GON4L: variants seen among roughly 807,000 people sequenced by gnomAD.
The protein encoded by GON4L is GON-4-like protein.
GON4L carries 87 observed loss-of-function variants against 211.8 expected under a neutral mutation model. That is an observed-to-expected ratio of 0.41 (90% CI 0.35 to 0.49). The LOEUF (loss-of-function observed/expected upper bound fraction) is 0.49, where lower values mean the gene tolerates loss of function less well. Among genes scored for constraint, GON4L ranks in the 20% least tolerant of loss-of-function variants. GON4L has a pLI of 0.15. For synonymous variants in GON4L, 875 were observed against 962.6 expected (o/e 0.91, Z 1.68); for missense variants, 2,155 against 2,659.5 (o/e 0.81, Z 4.17).
intron 2 of GON4L, among the ~76,000 whole-genome samples, chr1:155,833,915 A>G (rs1670053982): frequency 6.6e-6 from 1 of 151,762 alleles, no homozygotes; most frequent in Middle Eastern, 3.4e-3. Context: ...GCAACCTTGA[A>G]CTCCTGGGCT....
chr1:155,807,725 A>AAAAAAAG (rs1667284320), intron 10 of GON4L, among the ~76,000 whole-genome samples: 1 of 149,932 alleles, frequency 6.7e-6, no homozygotes, highest in Non-Finnish European at 1.5e-5. Context: ...AAAAAAAAAA[A>AAAAAAAG]GAAAATCAGA....
intron 2 of GON4L, among the ~76,000 whole-genome samples, chr1:155,827,879 C>T (rs541335386): frequency 1.3e-5 from 2 of 152,090 alleles, no homozygotes; most frequent in Non-Finnish European, 2.9e-5. Flanking sequence ...CCAGGTGGCT[C>T]ACACCTGTAA....
Position 155,826,920 on chromosome 1 carries a change from G to A in GON4L, c.614C>T (p.Ala205Val). ...CCTGAGTGGCTTTTCTTGAGGAGAG[G>A]CACAAACATCTGGCTGGGTTGATTT... The part of the protein sequence containing the change: ...PRKSTQPDVC[A>V]SPQEKPLRTL... Residue 205 changes from alanine to valine, a missense_variant, in exon 3 of 32, where the codon GCC (alanine) becomes GTC (valine). By Grantham distance (64) the Ala-to-Val change is moderately conservative. Around this residue, in one of 6 missense-constraint regions of GON4L, gnomAD observed 313 missense variants for 293.2 expected, o/e 1.07. Transcript: ENST00000368331. The A allele has an allele frequency of 3.7e-6, 6 of 1,613,570 alleles. No homozygotes were observed. Among genetic ancestry groups the A allele is most frequent in the Non-Finnish European group, 5.1e-6 (6 of 1,179,484 alleles).
At chr1:155,774,514 C>T (rs779271734) in intron 17 of GON4L, among the ~76,000 whole-genome samples, 2 of 151,912 alleles carry the variant, frequency 1.3e-5, no homozygotes, top group Non-Finnish European at 2.9e-5. Context: ...TCACTGTGTT[C>T]GCCAGGATGG....
At position 155,753,426 on chromosome 1, in the gene GON4L, G is replaced by A. The variant is rs1366573831; in HGVS notation, c.5632-12C>T. 2 of 1,603,064 alleles carry A rather than the reference G, an allele frequency of 1.2e-6. No homozygotes were observed. The highest frequency in any genetic ancestry group is 4.5e-5 in the East Asian group (2 of 44,828). On this transcript the variant is annotated splice_polypyrimidine_tract_variant and intron_variant, in intron 28 of 31. Transcript: ENST00000368331. ...TTGCTGTCACAGACCTGCAGGGATGGTCTTCCGGGTCAAAGGTGTTCTGAC... is the reference window on the plus strand; with the variant it reads ...TTGCTGTCACAGACCTGCAGGGATGATCTTCCGGGTCAAAGGTGTTCTGAC...
intron 17 of GON4L, chr1:155,773,534 T>G: frequency 3.5e-6 from 1 of 283,412 alleles, no homozygotes. Flanking sequence ...TTTACCTCCT[T>G]CCCCCCTTAA....
At chr1:155,827,117 G>C in intron 2 of GON4L, 89 bp from the exon 3 acceptor site, 1 of 963,238 alleles carries the variant, frequency 1.0e-6, no homozygotes, top group Non-Finnish European at 1.7e-6. Context: ...AGTGTTTTTA[G>C]GTAGACAACT....
At chr1:155,790,233 G>A (rs1665385314) in intron 12 of GON4L, among the ~76,000 whole-genome samples, 1 of 152,058 alleles carries the variant, frequency 6.6e-6, no homozygotes, top group Non-Finnish European at 1.5e-5. Flanking sequence ...CTTAGTAGCT[G>A]GGACTACAGG....
At chr1:155,780,696 C>G (rs1363170650) in intron 14 of GON4L, among the ~76,000 whole-genome samples, 1 of 152,136 alleles carries the variant, frequency 6.6e-6, no homozygotes, top group African/African-American at 2.4e-5. Context: ...GTTTCCAGGG[C>G]TGAAGCAAAA....
chr1:155,837,175 T>A (rs531582156), intron 2 of GON4L, among the ~76,000 whole-genome samples: 1 of 36,538 alleles, frequency 2.7e-5, no homozygotes, highest in East Asian at 0.016. Flanking sequence ...CTGCAACAGG[T>A]CTCTTCCTGT....
chr1:155,758,762 C>T (rs947383554), intron 24 of GON4L, among the ~76,000 whole-genome samples: 7 of 151,974 alleles, frequency 4.6e-5, no homozygotes, highest in African/African-American at 4.8e-5. Context: ...GCCTGTAATC[C>T]CTGCTACCCG....
chr1:155,825,562 ACT>A (rs762314658), intron 3 of GON4L, among the ~76,000 whole-genome samples: 1 of 127,368 alleles, frequency 7.9e-6, no homozygotes, highest in Non-Finnish European at 1.7e-5. Flanking sequence ...ACAGAGCAAG[ACT>A]CTGTCTCAAA....
chr1:155,765,160 T>C lies in GON4L; in HGVS notation c.4313A>G (p.Asp1438Gly), dbSNP rs1178556306. The C allele has an allele frequency of 1.2e-6, 2 of 1,614,062 alleles. No individual in the cohort carries two copies. Among genetic ancestry groups the C allele is most frequent in the African/African-American group, 2.7e-5 (2 of 74,926 alleles). The change falls in exon 21 of 32, where the codon GAT (aspartate) becomes GGT (glycine). Residue 1438 changes from aspartate to glycine, a missense_variant. Transcript: ENST00000368331. ...PGKPEDSSSV[D>G]GQSVGTPVGP... is the part of the protein sequence containing the mutation. Reference sequence around the variant, plus strand: ...AACTGGAGTCCCCACTGACTGACCATCAACACTGGATGAATCTTCTGGCTT... The same window carrying C: ...AACTGGAGTCCCCACTGACTGACCACCAACACTGGATGAATCTTCTGGCTT...
chr1:155,793,046 T>C (rs1358290670), intron 12 of GON4L, among the ~76,000 whole-genome samples: 7 of 152,242 alleles, frequency 4.6e-5, no homozygotes, highest in African/African-American at 1.7e-4. Context: ...GCCGGGATTA[T>C]AGCCATGAGC....
chr1:155,843,493 C>T (rs1008781671), intron 2 of GON4L, among the ~76,000 whole-genome samples: 1 of 152,178 alleles, frequency 6.6e-6, no homozygotes, highest in African/African-American at 2.4e-5. Flanking sequence ...CTACCCCCTA[C>T]TATTACCTGG....
chr1:155,811,614 G>A (rs1667781051), intron 10 of GON4L, among the ~76,000 whole-genome samples: 1 of 150,310 alleles, frequency 6.7e-6, no homozygotes, highest in Non-Finnish European at 1.5e-5. Flanking sequence ...AAAATTAGCT[G>A]GGTGTGGTGT....
rs928136957 is a variant in GON4L, at chr1:155,857,179, A to T, written c.-59T>A. On this transcript the variant is annotated 5_prime_UTR_variant, in exon 1 of 32. Transcript: ENST00000368331. ...CTCACCAGCCGGCCTGATTCCACGG[A>T]AACGGCTTTGGCACCACCGGAAGTC... is the stretch of plus-strand genomic sequence containing the variant. 6.6e-6 allele frequency: 1 copy of T among 152,494 alleles called. No homozygotes were observed. The highest frequency in any genetic ancestry group is 2.4e-5 in the African/African-American group (1 of 41,412). 9.4% of individuals were successfully genotyped at this position (152,494 alleles called of 1,614,324 possible).
chr1:155,762,802 C>T (rs1276809387), intron 22 of GON4L, among the ~76,000 whole-genome samples: 1 of 152,170 alleles, frequency 6.6e-6, no homozygotes, highest in Non-Finnish European at 1.5e-5. Flanking sequence ...CTCTGGGAGG[C>T]CGAGGCGGGT....
At chr1:155,772,242 T>C (rs1663268800) in intron 18 of GON4L, among the ~76,000 whole-genome samples, 1 of 152,014 alleles carries the variant, frequency 6.6e-6, no homozygotes, top group Admixed American at 6.6e-5. Flanking sequence ...TGATGAGCTG[T>C]ATCATGACGA....
Sources: allele counts gnomAD v4.1 joint callset (sites outside exome capture counted in the v4.1 genomes callset), GRCh38; gene constraint gnomAD v4.1.1; regional missense constraint gnomAD v4.1.1; transcripts MANE v1.5; gene names NCBI Gene and HGNC (gene_info 2026-07-23, HGNC 2026-07-21).